Variants in SLC4A10 observed in about 807,000 individuals in gnomAD.
The protein encoded by SLC4A10 is solute carrier family 4 member 10, also known as sodium-driven chloride bicarbonate exchanger.
SLC4A10 carries 42 observed loss-of-function variants against 137.7 expected under a neutral mutation model. The ratio of observed to expected loss-of-function variants is 0.30; its 90% CI spans 0.24 to 0.39. The LOEUF (loss-of-function observed/expected upper bound fraction) is 0.39, where lower values mean the gene tolerates loss of function less well. SLC4A10 is among the 10% of genes least tolerant of loss of function. The pLI is 1.00. For missense variants in SLC4A10, 925 were observed against 1,355.0 expected (o/e 0.68, Z 4.98); for synonymous variants, 474 against 464.1 (o/e 1.02, Z -0.27).
intron 15 of SLC4A10, among the ~76,000 whole-genome samples, chr2:161,932,272 T>C (rs942097610): frequency 2.0e-5 from 3 of 152,168 alleles, no homozygotes; most frequent in Non-Finnish European, 4.4e-5. Flanking sequence ...CCTTGCTTGT[T>C]CACCTAATTC....
chr2:161,647,422 G>A (rs925780236), intron 1 of SLC4A10, among the ~76,000 whole-genome samples: 1 of 151,910 alleles, frequency 6.6e-6, no homozygotes, highest in African/African-American at 2.4e-5. Flanking sequence ...TCATTTTTCT[G>A]CATGCAACTA....
At chr2:161,793,760 T>C (rs1272732629) in intron 2 of SLC4A10, among the ~76,000 whole-genome samples, 2 of 152,168 alleles carry the variant, frequency 1.3e-5, no homozygotes, top group Non-Finnish European at 2.9e-5. Context: ...ATGAATATTC[T>C]TTTGTGCCAC....
intron 1 of SLC4A10, among the ~76,000 whole-genome samples, chr2:161,644,022 G>A (rs1006167852): frequency 2.7e-5 from 4 of 147,330 alleles, no homozygotes; most frequent in African/African-American, 1.0e-4. Flanking sequence ...TTATGTCTGG[G>A]TTTTGTTTGC....
chr2:161,966,921 T>C (rs1697709712), intron 23 of SLC4A10, among the ~76,000 whole-genome samples: 1 of 152,212 alleles, frequency 6.6e-6, no homozygotes, highest in African/African-American at 2.4e-5. Context: ...TTAAGTTATC[T>C]ATATTTGATG....
At chr2:161,631,666 T>C (rs938995399) in intron 1 of SLC4A10, among the ~76,000 whole-genome samples, 5 of 151,746 alleles carry the variant, frequency 3.3e-5, no homozygotes, top group Admixed American at 6.6e-5. Context: ...TAATTTCTTA[T>C]GGCAATATTT....
intron 2 of SLC4A10, among the ~76,000 whole-genome samples, chr2:161,783,744 T>C (rs1188742934): frequency 1.3e-5 from 2 of 151,622 alleles, no homozygotes; most frequent in East Asian, 3.9e-4. Context: ...AACCCCATGG[T>C]ATCTAATGAG....
intron 1 of SLC4A10, among the ~76,000 whole-genome samples, chr2:161,736,293 T>C (rs910998764): frequency 6.6e-6 from 1 of 152,178 alleles, no homozygotes; most frequent in Non-Finnish European, 1.5e-5. Flanking sequence ...GCCTAAATAT[T>C]GTGCTATTAT....
chr2:161,628,920 T>C (rs532990717), intron 1 of SLC4A10, among the ~76,000 whole-genome samples: 24 of 152,076 alleles, frequency 1.6e-4, no homozygotes, highest in South Asian at 8.3e-4. Flanking sequence ...TTAGAAAATA[T>C]CTGGGCCAAG....
At chr2:161,666,371 G>A (rs1031154504) in intron 1 of SLC4A10, among the ~76,000 whole-genome samples, 2 of 151,590 alleles carry the variant, frequency 1.3e-5, no homozygotes, top group Non-Finnish European at 3.0e-5. Context: ...CGTAACACAT[G>A]TGATTTTTTC....
intron 1 of SLC4A10, among the ~76,000 whole-genome samples, chr2:161,745,122 TATC>T (rs1359645893): frequency 1.6e-4 from 25 of 152,194 alleles, no homozygotes; most frequent in African/African-American, 5.1e-4. Context: ...AGTTCTCTGT[TATC>T]ATCTCTTTGA....
At chr2:161,832,854 C>T (rs2058520153) in intron 3 of SLC4A10, among the ~76,000 whole-genome samples, 1 of 152,186 alleles carries the variant, frequency 6.6e-6, no homozygotes, top group Non-Finnish European at 1.5e-5. Context: ...CATTCTTCTG[C>T]CTCTGCCTCC....
intron 1 of SLC4A10, among the ~76,000 whole-genome samples, chr2:161,624,962 T>A (rs975604749): frequency 6.6e-6 from 1 of 151,918 alleles, no homozygotes; most frequent in African/African-American, 2.4e-5. Context: ...CTATCGAATT[T>A]CCTCCCCCTG....
chr2:161,806,884 A>C (rs577232668), intron 3 of SLC4A10, among the ~76,000 whole-genome samples: 3 of 152,180 alleles, frequency 2.0e-5, no homozygotes, highest in Admixed American at 1.3e-4. Context: ...ACCCCACTCT[A>C]CTGGTATCAA....
chr2:161,976,173 T>C (rs775102314), intron 24 of SLC4A10, among the ~76,000 whole-genome samples: 3 of 152,236 alleles, frequency 2.0e-5, no homozygotes, highest in Non-Finnish European at 4.4e-5. Context: ...TTGTTTTCAA[T>C]AATTGAGAGA....
rs150256463 is a variant in SLC4A10, at chr2:161,750,249, T to C, written c.49-20724T>C. 7.3e-3 allele frequency among the ~76,000 whole-genome samples: 1,099 copies of C among 151,142 alleles called. 6 individuals carry two copies. The highest frequency in any genetic ancestry group is 9.8e-3 in the Non-Finnish European group (660 of 67,444). On this transcript the variant is annotated intron_variant, in intron 1 of 26. Coordinates refer to ENST00000446997, the MANE Select transcript of SLC4A10 (RefSeq NM_001178015.2). ...CATTTTTGTTTTCTCTATTGATATA[T>C]TGTTTGTCTCATCTTTATTATTCCT...
intron 1 of SLC4A10, among the ~76,000 whole-genome samples, chr2:161,733,148 C>G (rs1409665624): frequency 6.6e-6 from 1 of 152,138 alleles, no homozygotes; most frequent in African/African-American, 2.4e-5. Flanking sequence ...TAATGAGGAG[C>G]CGCATGTTAA....
At chr2:161,674,726 T>C (rs1252342455) in intron 1 of SLC4A10, among the ~76,000 whole-genome samples, 4 of 152,218 alleles carry the variant, frequency 2.6e-5, no homozygotes, top group Non-Finnish European at 5.9e-5. Flanking sequence ...CATCCCTACC[T>C]TTTACAAATA....
chr2:161,940,173 C>T (rs976178111), intron 15 of SLC4A10, among the ~76,000 whole-genome samples: 2 of 152,106 alleles, frequency 1.3e-5, no homozygotes, highest in African/African-American at 4.8e-5. Context: ...AGTCACAACC[C>T]ACTTCCCTTC....
rs1448557021 is a variant in SLC4A10, at chr2:161,624,584, A to G, written c.48+18A>G. 2 of 1,551,986 alleles carry G rather than the reference A, an allele frequency of 1.3e-6. No individual in the cohort carries two copies. The highest frequency in any genetic ancestry group is 2.4e-5 in the East Asian group (1 of 40,890). On this transcript the variant is annotated intron_variant, in intron 1 of 26. Transcript: ENST00000446997. ...TGCCTACGGTAAGAGACAACCTGCT[A>G]TCACATAGATTAACCGCGTTTGCTG...
Sources: allele counts gnomAD v4.1 joint callset (sites outside exome capture counted in the v4.1 genomes callset), GRCh38; gene constraint gnomAD v4.1.1; transcripts MANE v1.5; gene names NCBI Gene and HGNC (gene_info 2026-07-23, HGNC 2026-07-21).